Variants in TBC1D5 observed in about 807,000 individuals in gnomAD.
The protein encoded by TBC1D5 is TBC1 domain family, member 5.
In TBC1D5, 75 loss-of-function variants were observed where a neutral mutation model predicts 100.3. The ratio of observed to expected loss-of-function variants is 0.75; its 90% CI spans 0.62 to 0.91. The LOEUF is 0.91. Ranked by LOEUF, TBC1D5 falls within the 40% of genes least tolerant of loss-of-function variation. TBC1D5 has a pLI of 0.00. For missense variants in TBC1D5, 910 were observed against 942.4 expected, an observed-to-expected ratio of 0.97 and a Z score of 0.45; for synonymous variants, 323 against 325.6, an observed-to-expected ratio of 0.99 and a Z score of 0.09.
At chr3:17,254,545 T>C (rs1426214374) in intron 16 of TBC1D5, among the ~76,000 whole-genome samples, 3 of 152,182 alleles carry the variant, frequency 2.0e-5, no homozygotes. Context: ...TTTGCCTATG[T>C]TATATTTTTC....
At chr3:17,368,232 T>C (rs1026230509) in intron 13 of TBC1D5, among the ~76,000 whole-genome samples, 1 of 152,162 alleles carries the variant, frequency 6.6e-6, no homozygotes, top group Non-Finnish European at 1.5e-5. Flanking sequence ...ACTAGGATCA[T>C]GTAATTTAGA....
At chr3:17,475,885 ACAG>A (rs1261682827) in intron 3 of TBC1D5, among the ~76,000 whole-genome samples, 31 of 152,124 alleles carry the variant, frequency 2.0e-4, no homozygotes, top group African/African-American at 7.5e-4. Context: ...CAGCAACGTA[ACAG>A]AGCTCACGTT....
At chr3:17,710,382 T>C (rs2074594467) in intron 1 of TBC1D5, among the ~76,000 whole-genome samples, 2 of 152,002 alleles carry the variant, frequency 1.3e-5, no homozygotes, top group Non-Finnish European at 2.9e-5. Context: ...CTGACCAACA[T>C]GGTGAAACCC....
intron 2 of TBC1D5, among the ~76,000 whole-genome samples, chr3:17,522,431 G>A (rs2096073274): frequency 6.6e-6 from 1 of 152,086 alleles, no homozygotes; most frequent in South Asian, 2.1e-4. Context: ...TGAAAAAAAG[G>A]ATACAGGAGA....
chr3:17,708,753 T>C (rs2074415446), intron 1 of TBC1D5, among the ~76,000 whole-genome samples: 1 of 152,264 alleles, frequency 6.6e-6, no homozygotes, highest in Non-Finnish European at 1.5e-5. Context: ...TACCGGATAC[T>C]GTCCAACTGT....
chr3:17,620,717 C>A lies in TBC1D5; in HGVS notation c.-36+3132G>T, dbSNP rs747548746. ...AGGAGTGACAATTTTCTGAGTATAC[C>A]TTTTTGTACAGTTTTACTTTTTGGA... On this transcript the variant is annotated intron_variant, in intron 2 of 21. Transcript: ENST00000253692. Among the ~76,000 whole-genome samples the A allele has an allele frequency of 3.5e-4, 53 of 152,020 alleles. 1 individual carries two copies. Among genetic ancestry groups the A allele is most frequent in the Non-Finnish European group, 5.1e-4 (35 of 67,998 alleles).
chr3:17,584,186 TA>T (rs1346563675), intron 2 of TBC1D5, among the ~76,000 whole-genome samples: 1 of 152,216 alleles, frequency 6.6e-6, no homozygotes, highest in African/African-American at 2.4e-5. Flanking sequence ...AGCCTAGGGC[TA>T]AGGCAGAATT....
At chr3:17,322,544 T>C (rs755903016) in intron 13 of TBC1D5, among the ~76,000 whole-genome samples, 6 of 152,216 alleles carry the variant, frequency 3.9e-5, no homozygotes, top group Non-Finnish European at 8.8e-5. Flanking sequence ...TACCTGGATG[T>C]GCTTTTGAAA....
intron 3 of TBC1D5, among the ~76,000 whole-genome samples, chr3:17,480,720 G>T (rs1190397251): frequency 6.6e-6 from 1 of 152,052 alleles, no homozygotes; most frequent in Non-Finnish European, 1.5e-5. Context: ...CTTCAGAAAG[G>T]AGCTACCCAG....
intron 2 of TBC1D5, among the ~76,000 whole-genome samples, chr3:17,537,861 C>G (rs1396669004): frequency 6.6e-6 from 1 of 152,192 alleles, no homozygotes. Flanking sequence ...AGACAAGTCT[C>G]GTTCAACTTA....
At chr3:17,351,822 A>G (rs569623652) in intron 13 of TBC1D5, among the ~76,000 whole-genome samples, 2 of 112,086 alleles carry the variant, frequency 1.8e-5, no homozygotes, top group East Asian at 3.9e-4. Flanking sequence ...GGAAAAAAAA[A>G]AAAGAGATTC....
chr3:17,481,430 G>A (rs930666738), intron 3 of TBC1D5, among the ~76,000 whole-genome samples: 2 of 152,168 alleles, frequency 1.3e-5, no homozygotes, highest in South Asian at 2.1e-4. Context: ...TGCCACAGAG[G>A]TTTCCAGCTG....
At chr3:17,656,158 C>A (rs997580988) in intron 1 of TBC1D5, among the ~76,000 whole-genome samples, 2 of 152,186 alleles carry the variant, frequency 1.3e-5, no homozygotes, top group Admixed American at 1.3e-4. Context: ...CAATCACTCT[C>A]TCAAAGAAGC....
intron 2 of TBC1D5, among the ~76,000 whole-genome samples, chr3:17,596,700 C>CAAAAAAAAAAAAAAAA (rs34625799): frequency 2.2e-5 from 1 of 44,952 alleles, no homozygotes. Context: ...GACTCCATCT[C>CAAAAAAAAAAAAAAAA]AAAAAAAAAA....
At chr3:17,607,530 T>C (rs369526418) in intron 2 of TBC1D5, among the ~76,000 whole-genome samples, 5 of 149,682 alleles carry the variant, frequency 3.3e-5, no homozygotes, top group Admixed American at 2.0e-4. Context: ...AGGAAACAAA[T>C]CAAGGTTGAG....
intron 18 of TBC1D5, among the ~76,000 whole-genome samples, chr3:17,203,696 C>T (rs1337618494): frequency 1.3e-5 from 2 of 152,174 alleles, no homozygotes; most frequent in African/African-American, 4.8e-5. Context: ...CCACCTCCCC[C>T]TTCAATCTCT....
chr3:17,560,221 C>A (rs1193557198), intron 2 of TBC1D5, among the ~76,000 whole-genome samples: 2 of 152,144 alleles, frequency 1.3e-5, no homozygotes, highest in African/African-American at 4.8e-5. Context: ...AAAATCCAGA[C>A]TACAAGGAAC....
chr3:17,451,796 G>T (rs752481893), intron 3 of TBC1D5, among the ~76,000 whole-genome samples: 1 of 152,106 alleles, frequency 6.6e-6, no homozygotes, highest in East Asian at 1.9e-4. Context: ...GGTGGTGGGC[G>T]CCTGTAATCC....
At chr3:17,254,766 T>TAG (rs746122732) in intron 16 of TBC1D5, among the ~76,000 whole-genome samples, 2 of 73,172 alleles carry the variant, frequency 2.7e-5, no homozygotes, top group African/African-American at 5.6e-5. Flanking sequence ...GTGGCGGGGG[T>TAG]GGGGGGGGGG....
Sources: allele counts gnomAD v4.1 joint callset (sites outside exome capture counted in the v4.1 genomes callset), GRCh38; gene constraint gnomAD v4.1.1; transcripts MANE v1.5; gene names NCBI Gene and HGNC (gene_info 2026-07-23, HGNC 2026-07-21).